The following PDGFD variants were observed in gnomAD, a reference collection of about 807,000 sequenced individuals.
PDGFD encodes the protein platelet-derived growth factor D.
PDGFD carries 30 observed loss-of-function variants against 44.7 expected under a neutral mutation model. The observed-to-expected ratio is 0.67, with a 90% CI of 0.50 to 0.91. The LOEUF (loss-of-function observed/expected upper bound fraction) is 0.91, where lower values mean the gene tolerates loss of function less well. Ranked by LOEUF, PDGFD falls within the 40% of genes least tolerant of loss-of-function variation. PDGFD has a pLI of 0.00. For synonymous variants in PDGFD, 173 were observed against 168.4 expected, an observed-to-expected ratio of 1.03 and a Z score of -0.21; for missense variants, 445 against 457.8, an observed-to-expected ratio of 0.97 and a Z score of 0.25.
chr11:104,154,381 T>C (rs1372582041), intron 1 of PDGFD, among the ~76,000 whole-genome samples: 1 of 152,174 alleles, frequency 6.6e-6, no homozygotes, highest in Non-Finnish European at 1.5e-5. Flanking sequence ...TAGGAGTAGT[T>C]AAGACAAACG....
At chr11:104,066,102 C>T (rs1455674003) in intron 1 of PDGFD, among the ~76,000 whole-genome samples, 1 of 152,044 alleles carries the variant, frequency 6.6e-6, no homozygotes, top group Non-Finnish European at 1.5e-5. Context: ...AAACATAAAG[C>T]AGCAGCAGCA....
chr11:104,044,721 G>T (rs1263221080), intron 1 of PDGFD, among the ~76,000 whole-genome samples: 1 of 152,152 alleles, frequency 6.6e-6, no homozygotes, highest in African/African-American at 2.4e-5. Flanking sequence ...ATCCCAGTTT[G>T]CCTGGGACTG....
At chr11:104,116,060 GT>G (rs1376552612) in intron 1 of PDGFD, among the ~76,000 whole-genome samples, 1 of 151,840 alleles carries the variant, frequency 6.6e-6, no homozygotes, top group East Asian at 1.9e-4. Flanking sequence ...ACTTATCTTT[GT>G]TTTTATTGCA....
chr11:104,126,311 C>T (rs1330615577), intron 1 of PDGFD, among the ~76,000 whole-genome samples: 3 of 152,154 alleles, frequency 2.0e-5, no homozygotes, highest in African/African-American at 4.8e-5. Flanking sequence ...GACACAGGGA[C>T]GCCCTCCTCC....
intron 1 of PDGFD, among the ~76,000 whole-genome samples, chr11:104,091,745 T>C (rs761106280): frequency 4.6e-5 from 7 of 152,186 alleles, no homozygotes; most frequent in Non-Finnish European, 8.8e-5. Flanking sequence ...ATTATATAAC[T>C]AATGGCTTTA....
At position 104,094,963 on chromosome 11, in the gene PDGFD, C is replaced by T. The variant is rs1246649964; in HGVS notation, c.124+68841G>A. ...GGTTTCCAACCCTGCTTCCAGTTCA[C>T]GACGTAGCAATCACACTGGTCTCCT... On this transcript the variant is annotated intron_variant, in intron 1 of 6. Transcript: ENST00000393158. 4.6e-5 allele frequency among the ~76,000 whole-genome samples: 7 copies of T among 152,238 alleles called. No homozygotes were observed. The East Asian group carries it at 5.8e-4, about 13-fold the overall frequency.
At chr11:103,981,387 G>C (rs1426916808) in intron 3 of PDGFD, among the ~76,000 whole-genome samples, 2 of 151,504 alleles carry the variant, frequency 1.3e-5, no homozygotes, top group Non-Finnish European at 2.9e-5. Context: ...AAATTACCCA[G>C]TCTCAAGTAC....
At chr11:103,910,441 C>T (rs541531580) in intron 6 of PDGFD, among the ~76,000 whole-genome samples, 8 of 152,242 alleles carry the variant, frequency 5.3e-5, no homozygotes, top group Admixed American at 6.5e-5. Context: ...GTGCAGCCCA[C>T]GGAAGGTGAG....
intron 3 of PDGFD, among the ~76,000 whole-genome samples, chr11:103,991,809 A>T (rs2134359732): frequency 6.6e-6 from 1 of 152,340 alleles, no homozygotes; most frequent in Non-Finnish European, 1.5e-5. Context: ...ATCTAATTTA[A>T]TCCTCAAAAC....
chr11:104,139,386 AACAG>A lies in PDGFD; in HGVS notation c.124+24414_124+24417del, dbSNP rs1423207092. On this transcript the variant is annotated intron_variant, in intron 1 of 6. Coordinates refer to ENST00000393158, the MANE Select transcript of PDGFD (RefSeq NM_025208.5). The stretch of plus-strand genomic sequence containing the variant: ...GCTGAAAAGTAAAATGAGTAAAGAT[AACAG>A]ACAGTTAATGGGAAAAGCTGAGCAC... Among the ~76,000 whole-genome samples the A allele has an allele frequency of 2.0e-5, 3 of 152,260 alleles. No homozygotes were observed. In the East Asian group the frequency reaches 5.8e-4, roughly 29 times the overall value.
intron 1 of PDGFD, among the ~76,000 whole-genome samples, chr11:104,110,266 T>C (rs946131663): frequency 1.3e-5 from 2 of 152,012 alleles, no homozygotes; most frequent in Non-Finnish European, 1.5e-5. Flanking sequence ...TTTCTATACA[T>C]TATTTGTACA....
chr11:103,970,335 T>C (rs1565298644), intron 3 of PDGFD, among the ~76,000 whole-genome samples: 1 of 152,092 alleles, frequency 6.6e-6, no homozygotes, highest in Non-Finnish European at 1.5e-5. Context: ...TATCACTGAA[T>C]CTAGAAATGT....
intron 1 of PDGFD, among the ~76,000 whole-genome samples, chr11:104,101,079 A>G (rs1861370291): frequency 6.6e-6 from 1 of 152,118 alleles, no homozygotes; most frequent in South Asian, 2.1e-4. Context: ...CCTATTCAAC[A>G]TAGTGTTGGA....
At chr11:103,949,351 T>C (rs1355135948) in intron 3 of PDGFD, among the ~76,000 whole-genome samples, 1 of 152,146 alleles carries the variant, frequency 6.6e-6, no homozygotes, top group African/African-American at 2.4e-5. Flanking sequence ...AAGCAGGAAA[T>C]GTGGTATCTG....
rs1285007629 is a variant in PDGFD, at chr11:104,163,810, G to T, written c.118C>A (p.Arg40=). ...IKALRNANLR[R]DESNHLTDLY... Reference sequence around the variant, plus strand: ...AATAAAATGAGTCTCTTACCATCTCGCCTGAGGTTGGCGTTGCGCAAAGCT... The same window carrying T: ...AATAAAATGAGTCTCTTACCATCTCTCCTGAGGTTGGCGTTGCGCAAAGCT... Residue 40 remains arginine (R), a synonymous_variant, in exon 1 of 7, where the codon CGA becomes AGA. Coordinates refer to ENST00000393158, the MANE Select transcript of PDGFD (RefSeq NM_025208.5). 3 of 1,541,342 alleles carry T rather than the reference G, an allele frequency of 1.9e-6. No homozygotes were observed. Among genetic ancestry groups the T allele is most frequent in the Admixed American group, 1.8e-5 (1 of 56,614 alleles).
intron 1 of PDGFD, among the ~76,000 whole-genome samples, chr11:104,012,455 C>T (rs1420028497): frequency 6.6e-6 from 1 of 152,166 alleles, no homozygotes; most frequent in Non-Finnish European, 1.5e-5. Flanking sequence ...ATACTGTGTG[C>T]TTTTAATGCA....
At chr11:104,113,305 C>T (rs995211554) in intron 1 of PDGFD, among the ~76,000 whole-genome samples, 3 of 152,074 alleles carry the variant, frequency 2.0e-5, no homozygotes, top group Admixed American at 1.3e-4. Context: ...AAGCTCCTAC[C>T]TACAGAGAGC....
intron 3 of PDGFD, among the ~76,000 whole-genome samples, chr11:103,990,496 T>C (rs567308087): frequency 1.6e-4 from 24 of 152,352 alleles, no homozygotes; most frequent in African/African-American, 5.0e-4. Flanking sequence ...CTTCGCTGCT[T>C]ACATGCTTAT....
At chr11:104,162,104 G>A (rs1049578909) in intron 1 of PDGFD, among the ~76,000 whole-genome samples, 2 of 151,076 alleles carry the variant, frequency 1.3e-5, no homozygotes, top group African/African-American at 2.4e-5. Context: ...GTATGGAGAT[G>A]TATAGAGTTT....
Sources: allele counts gnomAD v4.1 joint callset (sites outside exome capture counted in the v4.1 genomes callset), GRCh38; gene constraint gnomAD v4.1.1; transcripts MANE v1.5; gene names NCBI Gene and HGNC (gene_info 2026-07-23, HGNC 2026-07-21).